Variants in CYP21A2 observed in about 807,000 individuals in gnomAD.
The protein encoded by CYP21A2 is cytochrome P450 family 21 subfamily A member 2, also known as steroid 21-hydroxylase.
Under a neutral mutation model 47.4 loss-of-function variants are expected in CYP21A2, and 24 were observed. That is an observed-to-expected ratio of 0.51 (90% CI 0.37 to 0.71). CYP21A2 has a LOEUF of 0.71. Among genes scored for constraint, CYP21A2 ranks in the 30% least tolerant of loss-of-function variants. CYP21A2 has a pLI of 0.00. For missense variants in CYP21A2, 358 were observed against 643.2 expected (o/e 0.56, Z 4.80); for synonymous variants, 130 against 273.9 (o/e 0.47, Z 5.19).
In CYP21A2 at chr6:32,041,099, G is replaced by A; in HGVS notation, c.1453G>A (p.Gly485Arg). The A allele has an allele frequency of 6.3e-7, 1 of 1,590,808 alleles. No individual in the cohort carries two copies. The highest frequency in any genetic ancestry group is 1.1e-5 in the South Asian group (1 of 90,134). The change falls in exon 10 of 10, where the codon GGG becomes AGG. Residue 485 changes from glycine (G) to arginine (R), a missense_variant. Gly to Arg is a moderately radical substitution (Grantham distance 125, BLOSUM62 -2). Coordinates refer to ENST00000644719, the MANE Select transcript of CYP21A2 (RefSeq NM_000500.9). The part of the protein sequence containing the change: ...QPFQVRLQPR[G>R]MGAHSPGQSQ ...TTTCCAAGTGCGGCTGCAGCCCCGGGGGATGGGGGCCCACAGCCCGGGCCA... is the reference window on the plus strand; with the variant it reads ...TTTCCAAGTGCGGCTGCAGCCCCGGAGGATGGGGGCCCACAGCCCGGGCCA...
Position 32,041,060 on chromosome 6 carries a change from C to T in CYP21A2, c.1414C>T (p.Leu472Phe), listed in dbSNP as rs1384644896. The change falls in exon 10 of 10, where the codon CTC becomes TTC. Residue 472 changes from leucine to phenylalanine, a missense_variant. By Grantham distance (22) the Leu-to-Phe change is conservative. Coordinates refer to ENST00000644719, the MANE Select transcript of CYP21A2 (RefSeq NM_000500.9). ...LQPLPHCSVI[L>F]KMQPFQVRLQ... Reference sequence around the variant, plus strand: ...GCCCCTGCCCCACTGCAGTGTCATCCTCAAGATGCAGCCTTTCCAAGTGCG... The same window carrying T: ...GCCCCTGCCCCACTGCAGTGTCATCTTCAAGATGCAGCCTTTCCAAGTGCG... 2.0e-6 allele frequency: 3 copies of T among 1,479,294 alleles called. No individual in the cohort carries two copies. The highest frequency in any genetic ancestry group is 2.3e-5 in the East Asian group (1 of 42,886). 91.6% of individuals were successfully genotyped at this position (1,479,294 alleles called of 1,614,324 possible).
In CYP21A2 at chr6:32,039,996, C is replaced by T. The variant is rs754578852; in HGVS notation, c.739-9C>T. 3 of 1,611,560 alleles carry T rather than the reference C, an allele frequency of 1.9e-6. No homozygotes were observed. Among genetic ancestry groups the T allele is most frequent in the South Asian group, 2.2e-5 (2 of 90,966 alleles). On this transcript the variant is annotated splice_polypyrimidine_tract_variant and intron_variant, in intron 6 of 9. Coordinates refer to ENST00000644719, the MANE Select transcript of CYP21A2 (RefSeq NM_000500.9). ...CAGCCGCTCAGCCCGCTCCTTTCACCCTCTGCAGGAGAGCCTCGTGGCAGG... is the reference window on the plus strand; with the variant it reads ...CAGCCGCTCAGCCCGCTCCTTTCACTCTCTGCAGGAGAGCCTCGTGGCAGG...
chr6:32,040,566 G>C lies in CYP21A2; in HGVS notation c.1100G>C (p.Arg367Pro). ...RPVVPLALPH[R>P]TTRPSSISGY... is the part of the protein sequence containing the mutation. ...GTTGTGCCCTTAGCCTTGCCCCACC[G>C]CACCACACGGCCCAGCAGGTGACTC... is the stretch of plus-strand genomic sequence containing the variant. Residue 367 changes from arginine (R) to proline (P), a missense_variant, in exon 8 of 10, where the codon CGC becomes CCC. Physicochemically the swap from Arg to Pro is moderately radical, Grantham distance 103. Coordinates refer to ENST00000644719, the MANE Select transcript of CYP21A2 (RefSeq NM_000500.9). The C allele has an allele frequency of 6.2e-7, 1 of 1,613,458 alleles. No homozygotes were observed. The highest frequency in any genetic ancestry group is 8.5e-7 in the Non-Finnish European group (1 of 1,179,800).
At position 32,040,010 on chromosome 6, in the gene CYP21A2, C is replaced by T; in HGVS notation, c.744C>T (p.Ser248=). ...GCTCCTTTCACCCTCTGCAGGAGAG[C>T]CTCGTGGCAGGCCAGTGGAGGGACA... is the stretch of plus-strand genomic sequence containing the variant. ...VEMQLRQHKE[S]LVAGQWRDMM... Residue 248 remains serine, a synonymous_variant, in exon 7 of 10, where the codon AGC becomes AGT. Transcript: ENST00000644719. 1 of 1,610,496 alleles carries T rather than the reference C, an allele frequency of 6.2e-7. No homozygotes were observed. The highest frequency in any genetic ancestry group is 1.1e-5 in the South Asian group (1 of 90,744).
chr6:32,039,128 C>T lies in CYP21A2; in HGVS notation c.327C>T (p.Ser109=). The T allele has an allele frequency of 1.2e-6, 2 of 1,611,430 alleles. No homozygotes were observed. Among genetic ancestry groups the T allele is most frequent in the Non-Finnish European group, 1.7e-6 (2 of 1,178,842 alleles). Residue 109 remains serine (S), a synonymous_variant, in exon 3 of 10, where the codon TCC becomes TCT. Coordinates refer to ENST00000644719, the MANE Select transcript of CYP21A2 (RefSeq NM_000500.9). The part of the protein sequence containing the change: ...KLVSRNYPDL[S]LGDYSLLWKA... ...TGTCTAGGAACTACCCGGACCTGTC[C>T]TTGGGAGACTACTCCCTGCTCTGGA...
rs780775674 is a variant in CYP21A2 at position 32,039,418 on chromosome 6, C to T, written c.510C>T (p.Cys170=). ...AGGAGGAATTCTCTCTCCTCACCTG[C>T]AGCATCATCTGTTACCTCACCTTCG... The part of the protein sequence containing the change: ...AIEEEFSLLT[C]SIICYLTFGD... Residue 170 remains cysteine (C), a synonymous_variant, in exon 4 of 10, where the codon TGC becomes TGT. Coordinates refer to ENST00000644719, the MANE Select transcript of CYP21A2 (RefSeq NM_000500.9). The T allele has an allele frequency of 6.2e-7, 1 of 1,613,472 alleles. No homozygotes were observed. Among genetic ancestry groups the T allele is most frequent in the East Asian group, 2.2e-5 (1 of 44,858 alleles).
Position 32,039,107 on chromosome 6 carries a change from TAGG to T in CYP21A2, c.308_310del (p.Arg103del). The T allele has an allele frequency of 2.5e-6, 4 of 1,598,338 alleles. No homozygotes were observed. The South Asian group carries it at 3.3e-5, about 13-fold the overall frequency. ...CTCCTCCTGCAGACAAGCTGGTGTC[TAGG>T]AACTACCCGGACCTGTCCTTGGGAG... On this transcript the variant is annotated inframe_deletion, in exon 3 of 10. Coordinates refer to ENST00000644719, the MANE Select transcript of CYP21A2 (RefSeq NM_000500.9).
intron 2 of CYP21A2, 41 bp downstream of exon 2, chr6:32,038,852 T>G (rs1209375451): frequency 7.6e-6 from 11 of 1,443,468 alleles, no homozygotes; most frequent in Non-Finnish European, 1.1e-5. Flanking sequence ...AAAAAATTTT[T>G]TTTTAAGAGA....
Position 32,038,793 on chromosome 6 carries a change from A to C in CYP21A2, c.274A>C (p.Arg92=). The C allele has an allele frequency of 1.4e-6, 2 of 1,416,620 alleles. No homozygotes were observed. Among genetic ancestry groups the C allele is most frequent in the Admixed American group, 1.9e-5 (1 of 53,942 alleles). The allele number at this position is 1,416,620 out of a possible 1,614,324, so 87.8% of individuals were successfully genotyped here. A position where few individuals can be genotyped will look rare whatever the true frequency, so the allele number is the denominator to read the frequency against. The part of the protein sequence containing the change: ...MVKKWADFAG[R]PEPLTYKLVS... Reference sequence around the variant, plus strand: ...CAAAAAGTGGGCAGACTTTGCTGGCAGACCTGAGCCACTTACCTGTAAGGG... The same window carrying C: ...CAAAAAGTGGGCAGACTTTGCTGGCCGACCTGAGCCACTTACCTGTAAGGG... The change falls in exon 2 of 10, where the codon AGA becomes CGA. Residue 92 remains arginine, a synonymous_variant. Transcript: ENST00000644719.
At position 32,041,590 on chromosome 6, in the gene CYP21A2, G is replaced by A. The variant is rs1482080673; in HGVS notation, c.*456G>A. ...CTGACCCTCCGCTGCAGAGGATTGA[G>A]GCTTAATTCTGAGCTGGCCCTTTCC... is the stretch of plus-strand genomic sequence containing the variant. On this transcript the variant is annotated 3_prime_UTR_variant, in exon 10 of 10. Coordinates refer to ENST00000644719, the MANE Select transcript of CYP21A2 (RefSeq NM_000500.9). The A allele has an allele frequency of 9.3e-6, 10 of 1,070,588 alleles. No individual in the cohort carries two copies. Among genetic ancestry groups the A allele is most frequent in the Non-Finnish European group, 1.4e-5 (10 of 716,278 alleles). The allele number at this position is 1,070,588 out of a possible 1,614,324, so 66.3% of individuals were successfully genotyped here. A position where few individuals can be genotyped will look rare whatever the true frequency, so the allele number is the denominator to read the frequency against.
intron 2 of CYP21A2, 106 bp downstream of exon 2, chr6:32,038,917 C>T (rs1776031800): frequency 7.2e-7 from 1 of 1,387,018 alleles, no homozygotes; most frequent in Non-Finnish European, 1.0e-6. Context: ...TCAAATGATC[C>T]TCCCACCTCA....
rs552304134 is a variant in CYP21A2 at position 32,040,109 on chromosome 6, C to G, written c.843C>G (p.His281Gln). 6.2e-7 allele frequency: 1 copy of G among 1,612,704 alleles called. No homozygotes were observed. Among genetic ancestry groups the G allele is most frequent in the South Asian group, 1.1e-5 (1 of 91,076 alleles). ...GCTCTGGACAGCTCCTGGAAGGGCA[C>G]GTGCACATGGCTGCAGTGGACCTCC... The part of the protein sequence containing the change: ...EEGSGQLLEG[H>Q]VHMAAVDLLI... Residue 281 changes from histidine (H) to glutamine (Q), a missense_variant, in exon 7 of 10, where the codon CAC (histidine) becomes CAG (glutamine). Physicochemically the swap from His to Gln is conservative, Grantham distance 24. Transcript: ENST00000644719.
rs770199817 is a variant in CYP21A2 at position 32,040,116 on chromosome 6, A to G, written c.850A>G (p.Met284Val). ...SGQLLEGHVH[M>V]AAVDLLIGGT... ...ACAGCTCCTGGAAGGGCACGTGCACATGGCTGCAGTGGACCTCCTGATCGG... is the reference window on the plus strand; with the variant it reads ...ACAGCTCCTGGAAGGGCACGTGCACGTGGCTGCAGTGGACCTCCTGATCGG... Residue 284 changes from methionine (M) to valine (V), a missense_variant, in exon 7 of 10, where the codon ATG (methionine) becomes GTG (valine). Physicochemically the swap from Met to Val is conservative, Grantham distance 21. Coordinates refer to ENST00000644719, the MANE Select transcript of CYP21A2 (RefSeq NM_000500.9). The G allele has an allele frequency of 4.8e-5, 78 of 1,612,838 alleles. No individual in the cohort carries two copies. In the Middle Eastern group the frequency reaches 1.5e-3, roughly 31 times the overall value.
Position 32,039,378 on chromosome 6 carries a change from C to T in CYP21A2, c.470C>T (p.Thr157Ile). 3 of 1,611,778 alleles carry T rather than the reference C, an allele frequency of 1.9e-6. No homozygotes were observed. Among genetic ancestry groups the T allele is most frequent in the Non-Finnish European group, 2.5e-6 (3 of 1,179,012 alleles). Residue 157 changes from threonine to isoleucine, a missense_variant, in exon 4 of 10, where the codon ACC (threonine) becomes ATC (isoleucine). By Grantham distance (89) the Thr-to-Ile change is moderately conservative. Coordinates refer to ENST00000644719, the MANE Select transcript of CYP21A2 (RefSeq NM_000500.9). ...CAGCGCATGAGAGCCCAGCCCGGCA[C>T]CCCTGTGGCCATTGAGGAGGAATTC... The part of the protein sequence containing the change: ...FCERMRAQPG[T>I]PVAIEEEFSL...
At chr6:32,039,908 G>A in intron 6 of CYP21A2, 73 bp downstream of exon 6, 6 of 1,605,150 alleles carry the variant, frequency 3.7e-6, no homozygotes, top group Non-Finnish European at 5.1e-6. Context: ...ATTGCTATGA[G>A]GCGGGTTCTT....
chr6:32,041,122 C>T lies in CYP21A2; in HGVS notation c.1476C>T (p.Gly492=), dbSNP rs1219708665. Residue 492 remains glycine, a synonymous_variant, in exon 10 of 10, where the codon GGC becomes GGT. Coordinates refer to ENST00000644719, the MANE Select transcript of CYP21A2 (RefSeq NM_000500.9). ...QPRGMGAHSP[G]QSQ ...GGGGGATGGGGGCCCACAGCCCGGG[C>T]CAGAGCCAGTGATGGGGCAGGACCG... 3.8e-6 allele frequency: 6 copies of T among 1,599,722 alleles called. No homozygotes were observed. In the East Asian group the frequency reaches 6.7e-5, roughly 18 times the overall value.
chr6:32,039,265 G>C lies in CYP21A2; in HGVS notation c.447+17G>C. 1 of 1,575,624 alleles carries C rather than the reference G, an allele frequency of 6.3e-7. No homozygotes were observed. The highest frequency in any genetic ancestry group is 1.1e-5 in the South Asian group (1 of 87,038). On this transcript the variant is annotated intron_variant, in intron 3 of 9. Coordinates refer to ENST00000644719, the MANE Select transcript of CYP21A2 (RefSeq NM_000500.9). ...TTCTGTGAGGTAAGGCTGGGCTCCT[G>C]AGGCCACCTCGGGTCAGCCTCGCCT...
chr6:32,041,101 G>A lies in CYP21A2; in HGVS notation c.1455G>A (p.Gly485=), dbSNP rs1159630190. The A allele has an allele frequency of 3.8e-6, 6 of 1,591,992 alleles. No homozygotes were observed. The highest frequency in any genetic ancestry group is 2.2e-5 in the East Asian group (1 of 44,714). The stretch of plus-strand genomic sequence containing the variant: ...TCCAAGTGCGGCTGCAGCCCCGGGG[G>A]ATGGGGGCCCACAGCCCGGGCCAGA... ...QPFQVRLQPR[G]MGAHSPGQSQ The change falls in exon 10 of 10, where the codon GGG becomes GGA. Residue 485 remains glycine (G), a synonymous_variant. Coordinates refer to ENST00000644719, the MANE Select transcript of CYP21A2 (RefSeq NM_000500.9).
In CYP21A2 at chr6:32,041,609, C is replaced by A; in HGVS notation, c.*475C>A. 3 of 1,073,896 alleles carry A rather than the reference C, an allele frequency of 2.8e-6. No homozygotes were observed. Among genetic ancestry groups the A allele is most frequent in the East Asian group, 2.6e-5 (1 of 38,916 alleles). The allele number at this position is 1,073,896 out of a possible 1,614,324, so 66.5% of individuals were successfully genotyped here. On this transcript the variant is annotated 3_prime_UTR_variant, in exon 10 of 10. Coordinates refer to ENST00000644719, the MANE Select transcript of CYP21A2 (RefSeq NM_000500.9). ...GATTGAGGCTTAATTCTGAGCTGGC[C>A]CTTTCCAGCCAATAAATCAACTCCA...
Sources: gnomAD v4.1 joint callset for allele counts on GRCh38, gnomAD v4.1.1 for gene constraint, MANE v1.5 for transcripts, NCBI Gene and HGNC (gene_info 2026-07-23, HGNC 2026-07-21) for gene names.